Variants in MDGA2 observed in about 807,000 individuals in gnomAD.
MDGA2 encodes MAM domain-containing glycosylphosphatidylinositol anchor protein 2.
In MDGA2, 40 loss-of-function variants were observed where a neutral mutation model predicts 117.8. The observed-to-expected ratio is 0.34, with a 90% confidence interval of 0.26 to 0.44. MDGA2 has a LOEUF of 0.44. Among genes scored for constraint, MDGA2 ranks in the 20% least tolerant of loss-of-function variants. The pLI is 1.00. For missense variants in MDGA2, 1,123 were observed against 1,250.6 expected, an observed-to-expected ratio of 0.90 and a Z score of 1.54; for synonymous variants, 452 against 439.0, an observed-to-expected ratio of 1.03 and a Z score of -0.37.
intron 9 of MDGA2, among the ~76,000 whole-genome samples, chr14:46,949,365 T>C (rs1885288144): frequency 6.6e-6 from 1 of 152,006 alleles, no homozygotes; most frequent in Non-Finnish European, 1.5e-5. Context: ...TTATTATTTT[T>C]TAAGATTTTT....
intron 1 of MDGA2, among the ~76,000 whole-genome samples, chr14:47,619,958 T>C (rs1285313815): frequency 6.6e-6 from 1 of 152,220 alleles, no homozygotes; most frequent in East Asian, 1.9e-4. Context: ...TCCACTTGAT[T>C]CCGATGGCTC....
chr14:47,423,577 C>CT (rs1245466662), intron 1 of MDGA2, among the ~76,000 whole-genome samples: 2 of 151,302 alleles, frequency 1.3e-5, no homozygotes, highest in East Asian at 1.9e-4. Context: ...TGTGTGTACT[C>CT]TTTAATTTCA....
At chr14:47,194,651 C>A (rs951977099) in intron 3 of MDGA2, among the ~76,000 whole-genome samples, 3 of 152,042 alleles carry the variant, frequency 2.0e-5, no homozygotes, top group Admixed American at 6.5e-5. Context: ...AATAAAACTA[C>A]AGTATTGAAC....
At chr14:47,135,413 T>C (rs1882404614) in intron 4 of MDGA2, among the ~76,000 whole-genome samples, 1 of 152,190 alleles carries the variant, frequency 6.6e-6, no homozygotes, top group African/African-American at 2.4e-5. Context: ...AAATCACCAA[T>C]AGTATTATAA....
intron 1 of MDGA2, among the ~76,000 whole-genome samples, chr14:47,396,884 G>A (rs1892023256): frequency 6.6e-6 from 1 of 152,084 alleles, no homozygotes; most frequent in African/African-American, 2.4e-5. Context: ...TACACTGTTG[G>A]GAGTGTTAAT....
intron 7 of MDGA2, among the ~76,000 whole-genome samples, chr14:47,053,795 A>G (rs1241139616): frequency 1.3e-5 from 2 of 151,832 alleles, no homozygotes; most frequent in African/African-American, 4.8e-5. Flanking sequence ...TGAAAAGGGA[A>G]GAAATGAGTA....
At chr14:47,506,711 C>T (rs1459623896) in intron 1 of MDGA2, among the ~76,000 whole-genome samples, 3 of 152,104 alleles carry the variant, frequency 2.0e-5, no homozygotes, top group African/African-American at 4.8e-5. Context: ...ATTTCCAACA[C>T]TTAGTATGAA....
chr14:47,161,857 G>T (rs1190868942), intron 3 of MDGA2, among the ~76,000 whole-genome samples: 1 of 147,042 alleles, frequency 6.8e-6, no homozygotes, highest in East Asian at 2.0e-4. Context: ...AATCTAATTG[G>T]GTTCTTATTC....
At chr14:47,181,101 C>G (rs113171434) in intron 3 of MDGA2, among the ~76,000 whole-genome samples, 2,297 of 152,152 alleles carry the variant, frequency 0.015, 66 homozygotes, top group African/African-American at 0.05. Context: ...ACTTTAAATT[C>G]CAGGATATAT....
chr14:47,055,281 T>C (rs1296884935), intron 7 of MDGA2, among the ~76,000 whole-genome samples: 1 of 152,076 alleles, frequency 6.6e-6, no homozygotes, highest in Non-Finnish European at 1.5e-5. Context: ...ACCAACTGAA[T>C]TGGCTCCCAA....
chr14:47,660,905 G>C (rs1263352682), intron 1 of MDGA2, among the ~76,000 whole-genome samples: 1 of 151,942 alleles, frequency 6.6e-6, no homozygotes, highest in African/African-American at 2.4e-5. Context: ...ATATGAGAGA[G>C]AGTCCTCAGT....
intron 1 of MDGA2, among the ~76,000 whole-genome samples, chr14:47,628,475 T>G (rs1451509698): frequency 1.3e-5 from 2 of 152,238 alleles, no homozygotes; most frequent in African/African-American, 4.8e-5. Context: ...TTAAGCTTCA[T>G]TATTCTTGAC....
chr14:47,251,654 C>T (rs1359780857), intron 2 of MDGA2, among the ~76,000 whole-genome samples: 1 of 152,066 alleles, frequency 6.6e-6, no homozygotes, highest in Non-Finnish European at 1.5e-5. Flanking sequence ...TGCTGTTTCA[C>T]AAAAAGCACA....
At chr14:47,106,131 C>T (rs902559206) in intron 5 of MDGA2, among the ~76,000 whole-genome samples, 1 of 152,124 alleles carries the variant, frequency 6.6e-6, no homozygotes, top group African/African-American at 2.4e-5. Flanking sequence ...CAGTTCATGG[C>T]TCATTTGGCA....
chr14:46,858,451 G>T (rs1392134444), intron 14 of MDGA2, among the ~76,000 whole-genome samples: 1 of 127,098 alleles, frequency 7.9e-6, no homozygotes. Context: ...TTTTTGAGAC[G>T]GAGTCTCGCT....
chr14:47,271,668 C>T (rs1244288841), intron 2 of MDGA2, among the ~76,000 whole-genome samples: 1 of 151,442 alleles, frequency 6.6e-6, no homozygotes, highest in Non-Finnish European at 1.5e-5. Flanking sequence ...GCTACAGAGA[C>T]CATTCTTTTC....
At chr14:47,627,517 G>A (rs1340792244) in intron 1 of MDGA2, among the ~76,000 whole-genome samples, 3 of 152,162 alleles carry the variant, frequency 2.0e-5, no homozygotes, top group Admixed American at 2.0e-4. Flanking sequence ...TCAACACTCT[G>A]TTTCTAGCTA....
chr14:47,332,813 C>T (rs904164332), intron 1 of MDGA2, among the ~76,000 whole-genome samples: 1 of 151,848 alleles, frequency 6.6e-6, no homozygotes, highest in African/African-American at 2.4e-5. Flanking sequence ...CCCTCCCAAC[C>T]TCCTACCATT....
Position 47,050,622 on chromosome 14 carries a change from T to A in MDGA2, c.1525+10627A>T, listed in dbSNP as rs557343020. On this transcript the variant is annotated intron_variant, in intron 7 of 16. Coordinates refer to ENST00000399232, the MANE Select transcript of MDGA2 (RefSeq NM_001113498.3). ...TATACTAGTGATGCTGTTAATATAA[T>A]GCTACTCATGTGTATCCACTCCAGT... Among the ~76,000 whole-genome samples, 3 of 152,022 alleles carry A rather than the reference T, an allele frequency of 2.0e-5. 1 individual carries two copies. Among genetic ancestry groups the A allele is most frequent in the Admixed American group, 1.3e-4 (2 of 15,210 alleles).
Sources: allele counts gnomAD v4.1 joint callset (sites outside exome capture counted in the v4.1 genomes callset), GRCh38; gene constraint gnomAD v4.1.1; transcripts MANE v1.5; gene names NCBI Gene and HGNC (gene_info 2026-07-23, HGNC 2026-07-21).